ETV6: variants seen among roughly 807,000 people sequenced by gnomAD.
ETV6 encodes the protein transcription factor ETV6.
Under a neutral mutation model 51.1 loss-of-function variants are expected in ETV6, and 16 were observed. The observed-to-expected ratio is 0.31, with a 90% CI of 0.21 to 0.48. ETV6 has a LOEUF of 0.48. Among genes scored for constraint, ETV6 ranks in the 20% least tolerant of loss-of-function variants. The pLI, the probability that ETV6 is intolerant of heterozygous loss-of-function variation, is 0.99. For missense variants in ETV6, 458 were observed against 594.8 expected (o/e 0.77, Z 2.39); for synonymous variants, 240 against 224.1 (o/e 1.07, Z -0.64).
At position 11,797,481 on chromosome 12, in the gene ETV6, C is replaced by G. The variant is rs972114320; in HGVS notation, c.164-41659C>G. Among the ~76,000 whole-genome samples, 5 of 152,156 alleles carry G rather than the reference C, an allele frequency of 3.3e-5. 1 individual carries two copies. The highest frequency in any genetic ancestry group is 5.9e-5 in the Non-Finnish European group (4 of 68,032). On this transcript the variant is annotated intron_variant, in intron 2 of 7. Transcript: ENST00000396373. ...AAATCCAGCCACAGAGACTGGGATT[C>G]GGTCATAGGACTTCTGTTATTGAGA...
At chr12:11,673,170 T>G (rs1294270649) in intron 1 of ETV6, among the ~76,000 whole-genome samples, 2 of 152,174 alleles carry the variant, frequency 1.3e-5, no homozygotes, top group African/African-American at 4.8e-5. Context: ...TGCAGTGTTC[T>G]GAGGGTGTGT....
chr12:11,736,334 T>C (rs933271567), intron 1 of ETV6, among the ~76,000 whole-genome samples: 1 of 152,196 alleles, frequency 6.6e-6, no homozygotes, highest in East Asian at 1.9e-4. Flanking sequence ...CCTTTTTTAG[T>C]CTAACTGGGA....
intron 1 of ETV6, among the ~76,000 whole-genome samples, chr12:11,718,826 T>C (rs1865328058): frequency 6.6e-6 from 1 of 152,104 alleles, no homozygotes; most frequent in Non-Finnish European, 1.5e-5. Context: ...TGCTCAATAC[T>C]GTATTTTAGA....
At chr12:11,696,626 G>C (rs1315865874) in intron 1 of ETV6, among the ~76,000 whole-genome samples, 1 of 152,090 alleles carries the variant, frequency 6.6e-6, no homozygotes, top group Non-Finnish European at 1.5e-5. Flanking sequence ...ATACCAGCCT[G>C]GGCAAGTGGT....
At chr12:11,788,756 G>GTTT (rs1336998892) in intron 2 of ETV6, among the ~76,000 whole-genome samples, 5,458 of 102,162 alleles carry the variant, frequency 0.053, 126 homozygotes, top group South Asian at 0.19. Flanking sequence ...GCTTGTATTG[G>GTTT]TTTTTTTTTT....
intron 1 of ETV6, among the ~76,000 whole-genome samples, chr12:11,663,551 G>C (rs140195161): frequency 2.0e-3 from 297 of 152,282 alleles, no homozygotes; most frequent in African/African-American, 6.8e-3. Context: ...GCCTTGTTGT[G>C]GCGAAGAAAC....
At chr12:11,846,249 A>G (rs971575644) in intron 3 of ETV6, among the ~76,000 whole-genome samples, 9 of 151,378 alleles carry the variant, frequency 5.9e-5, no homozygotes, top group African/African-American at 1.9e-4. Flanking sequence ...AAAAATGGCC[A>G]GAGGGAATCT....
intron 1 of ETV6, among the ~76,000 whole-genome samples, chr12:11,679,387 AAGTTCTT>A (rs1864483249): frequency 6.6e-6 from 1 of 152,252 alleles, no homozygotes; most frequent in African/African-American, 2.4e-5. Flanking sequence ...TAGGTAGAGT[AAGTTCTT>A]AGTGCTCGAT....
At chr12:11,703,265 T>C (rs1434142751) in intron 1 of ETV6, among the ~76,000 whole-genome samples, 1 of 150,640 alleles carries the variant, frequency 6.6e-6, no homozygotes, top group Non-Finnish European at 1.5e-5. Context: ...CTAAAAATAA[T>C]GAGTTTCAAA....
intron 2 of ETV6, among the ~76,000 whole-genome samples, chr12:11,837,006 T>C (rs1169446679): frequency 6.6e-6 from 1 of 152,172 alleles, no homozygotes; most frequent in African/African-American, 2.4e-5. Context: ...GGTGACACCA[T>C]TGACAGTAAG....
chr12:11,654,959 A>G (rs924919752), intron 1 of ETV6, among the ~76,000 whole-genome samples: 3 of 152,168 alleles, frequency 2.0e-5, no homozygotes, highest in Admixed American at 2.0e-4. Flanking sequence ...GCTCAGGATA[A>G]GTAAGTCAAG....
At chr12:11,739,926 T>A (rs1009005718) in intron 1 of ETV6, among the ~76,000 whole-genome samples, 14 of 152,178 alleles carry the variant, frequency 9.2e-5, no homozygotes, top group Non-Finnish European at 1.5e-4. Flanking sequence ...AAAGTTAGAG[T>A]CATAATTTTT....
chr12:11,667,684 G>A (rs34771084), intron 1 of ETV6, among the ~76,000 whole-genome samples: 5,429 of 144,068 alleles, frequency 0.038, 115 homozygotes, highest in Admixed American at 0.064. Flanking sequence ...TGTGTGCCAC[G>A]ATACCTGGCT....
At chr12:11,710,423 C>T (rs986815719) in intron 1 of ETV6, among the ~76,000 whole-genome samples, 2 of 152,118 alleles carry the variant, frequency 1.3e-5, no homozygotes, top group African/African-American at 4.8e-5. Flanking sequence ...GATTTAAGTG[C>T]TTTGCCTGTT....
intron 4 of ETV6, among the ~76,000 whole-genome samples, chr12:11,866,801 C>T (rs1056493398): frequency 2.6e-5 from 4 of 152,210 alleles, no homozygotes; most frequent in Non-Finnish European, 4.4e-5. Context: ...CAAAGGGTCT[C>T]CCTGGCACTT....
At position 11,752,694 on chromosome 12, in the gene ETV6, G is replaced by T. The variant is rs928123104; in HGVS notation, c.163+115G>T. 2.3e-6 allele frequency: 3 copies of T among 1,332,892 alleles called. No homozygotes were observed. In the Admixed American group the frequency reaches 6.9e-5, roughly 31 times the overall value. 82.6% of individuals were successfully genotyped at this position (1,332,892 alleles called of 1,614,324 possible). ...TCTGAGGTGGTTTTCACAGGACTTC[G>T]CCACGCTGCTTTGGAATCTTTCACA... On this transcript the variant is annotated intron_variant, in intron 2 of 7. Transcript: ENST00000396373.
intron 1 of ETV6, among the ~76,000 whole-genome samples, chr12:11,729,441 G>C (rs926967796): frequency 1.3e-5 from 2 of 152,178 alleles, no homozygotes; most frequent in Admixed American, 1.3e-4. Flanking sequence ...GGGCTGCTGT[G>C]TGGTAGATTT....
chr12:11,732,202 A>G (rs746883123), intron 1 of ETV6, among the ~76,000 whole-genome samples: 1 of 152,220 alleles, frequency 6.6e-6, no homozygotes, highest in Non-Finnish European at 1.5e-5. Context: ...AGTTCGAGGT[A>G]CGTGGAAATG....
intron 1 of ETV6, among the ~76,000 whole-genome samples, chr12:11,665,098 T>G (rs1434309341): frequency 6.6e-6 from 1 of 152,190 alleles, no homozygotes; most frequent in Non-Finnish European, 1.5e-5. Flanking sequence ...ACCACTGCCT[T>G]CTGGGCTCAG....
Sources: gnomAD v4.1 joint callset for allele counts (sites outside exome capture counted in the v4.1 genomes callset) on GRCh38, gnomAD v4.1.1 for gene constraint, MANE v1.5 for transcripts, NCBI Gene and HGNC (gene_info 2026-07-23, HGNC 2026-07-21) for gene names.